Variants in BCAS3 observed in about 807,000 individuals in gnomAD.
The protein encoded by BCAS3 is BCAS3 microtubule associated cell migration factor.
In BCAS3, 53 loss-of-function variants were observed where a neutral mutation model predicts 116.1. That is an observed-to-expected ratio of 0.46 (90% confidence interval 0.37 to 0.57). The LOEUF (loss-of-function observed/expected upper bound fraction) is 0.57. BCAS3 is among the 20% of genes least tolerant of loss of function. BCAS3 has a pLI of 0.00. For synonymous variants in BCAS3, 391 were observed against 408.2 expected, an observed-to-expected ratio of 0.96 and a Z score of 0.51; for missense variants, 917 against 1,165.4, an observed-to-expected ratio of 0.79 and a Z score of 3.10.
rs2072933533 is a variant in BCAS3 at position 61,084,679 on chromosome 17, T to C, written c.2425+115T>C. ...CTTTCCTCTCTGTTTTTTTGTTTTGTGGTGTGTGTGCATTTTAATACAGTA... is the reference window on the plus strand; with the variant it reads ...CTTTCCTCTCTGTTTTTTTGTTTTGCGGTGTGTGTGCATTTTAATACAGTA... On this transcript the variant is annotated intron_variant, in intron 22 of 23. Coordinates refer to ENST00000407086, the MANE Select transcript of BCAS3 (RefSeq NM_017679.5). This position sits in a 1 kb window ranked among gnomAD's most constrained non-coding sequence, Gnocchi z 5.5. 1 of 862,772 alleles carries C rather than the reference T, an allele frequency of 1.2e-6. No homozygotes were observed. The highest frequency in any genetic ancestry group is 1.7e-5 in the African/African-American group (1 of 59,880). The allele number at this position is 862,772 out of a possible 1,614,324, so 53.4% of individuals were successfully genotyped here. A position where few individuals can be genotyped will look rare whatever the true frequency, so the allele number is the denominator to read the frequency against.
chr17:61,216,802 A>T (rs1370825520), intron 22 of BCAS3, among the ~76,000 whole-genome samples: 1 of 151,438 alleles, frequency 6.6e-6, no homozygotes, highest in African/African-American at 2.4e-5. Flanking sequence ...TCAGCCTCCC[A>T]AAGTGCTGGG....
At chr17:60,703,171 A>T (rs1011469406) in intron 4 of BCAS3, among the ~76,000 whole-genome samples, 1 of 152,108 alleles carries the variant, frequency 6.6e-6, no homozygotes, top group East Asian at 1.9e-4. Flanking sequence ...GCTACTTGGG[A>T]GGCTGAGGCA....
rs1362251270 is a variant in BCAS3, at chr17:61,037,261, AT to A, written c.1763-627del. 6.6e-6 allele frequency among the ~76,000 whole-genome samples: 1 copy of A among 152,204 alleles called. No individual in the cohort carries two copies. Among genetic ancestry groups the A allele is most frequent in the Non-Finnish European group, 1.5e-5 (1 of 68,028 alleles). On this transcript the variant is annotated intron_variant, in intron 17 of 23. Transcript: ENST00000407086. This position sits in a 1 kb window ranked among gnomAD's most constrained non-coding sequence, Gnocchi z 4.7. ...TCCTTTTCAGTTAGTCCATTTCCTG[AT>A]ATCATTCATTTTTCATAATGTGGGA...
chr17:60,897,754 C>T (rs1219400469), intron 10 of BCAS3, among the ~76,000 whole-genome samples: 1 of 152,090 alleles, frequency 6.6e-6, no homozygotes, highest in Non-Finnish European at 1.5e-5. Flanking sequence ...CTTACTCTGT[C>T]ATCCAGGCTG....
intron 7 of BCAS3, among the ~76,000 whole-genome samples, chr17:60,828,978 A>T (rs1427250935): frequency 6.6e-6 from 1 of 152,118 alleles, no homozygotes; most frequent in Non-Finnish European, 1.5e-5. Flanking sequence ...AACCTGCTAT[A>T]CTGTGCATCC....
chr17:60,680,590 T>A (rs1005940396), intron 2 of BCAS3, among the ~76,000 whole-genome samples: 1 of 152,188 alleles, frequency 6.6e-6, no homozygotes, highest in African/African-American at 2.4e-5. Flanking sequence ...AGAATGTCTA[T>A]ACTTACTAGA....
At chr17:60,898,779 C>T (rs889789816) in intron 10 of BCAS3, among the ~76,000 whole-genome samples, 58 of 152,024 alleles carry the variant, frequency 3.8e-4, no homozygotes, top group African/African-American at 1.2e-3. Flanking sequence ...TGGGTGATAA[C>T]GGTAGCAGTG....
chr17:60,922,395 G>A (rs1379466720), intron 12 of BCAS3, among the ~76,000 whole-genome samples: 3 of 152,134 alleles, frequency 2.0e-5, no homozygotes, highest in Non-Finnish European at 4.4e-5. Flanking sequence ...AAAGTGCTGG[G>A]ATTACAGGCA....
intron 14 of BCAS3, among the ~76,000 whole-genome samples, chr17:60,975,472 A>G (rs983071619): frequency 1.3e-5 from 2 of 152,350 alleles, no homozygotes; most frequent in African/African-American, 2.4e-5. Context: ...CTATAAAAAG[A>G]GGCTATAGAA....
At chr17:60,722,560 A>G (rs535560517) in intron 5 of BCAS3, among the ~76,000 whole-genome samples, 1 of 151,746 alleles carries the variant, frequency 6.6e-6, no homozygotes, top group East Asian at 1.9e-4. Context: ...CAAGAGATCA[A>G]GACCATCCTG....
chr17:60,830,191 A>C (rs1236582018), intron 7 of BCAS3, among the ~76,000 whole-genome samples: 1 of 152,164 alleles, frequency 6.6e-6, no homozygotes, highest in Non-Finnish European at 1.5e-5. Flanking sequence ...GGGTTTCACC[A>C]TGTTAGCCAG....
At chr17:61,245,819 A>G (rs912902434) in intron 22 of BCAS3, among the ~76,000 whole-genome samples, 2 of 151,792 alleles carry the variant, frequency 1.3e-5, no homozygotes, top group Non-Finnish European at 2.9e-5. Flanking sequence ...AGAAAAAAAA[A>G]GAGATTGTTG....
intron 7 of BCAS3, among the ~76,000 whole-genome samples, chr17:60,808,796 A>C (rs2048517219): frequency 6.6e-6 from 1 of 152,198 alleles, no homozygotes; most frequent in South Asian, 2.1e-4. Flanking sequence ...ATTATGAAAT[A>C]ATGATGTATG....
chr17:60,680,635 T>C (rs1339643287), intron 2 of BCAS3, among the ~76,000 whole-genome samples: 1 of 151,980 alleles, frequency 6.6e-6, no homozygotes, highest in Middle Eastern at 3.2e-3. Flanking sequence ...TGAAGATATG[T>C]ATACTTTTTT....
intron 5 of BCAS3, among the ~76,000 whole-genome samples, chr17:60,729,291 A>G (rs1024143753): frequency 3.4e-5 from 5 of 148,350 alleles, no homozygotes; most frequent in African/African-American, 1.2e-4. Context: ...AGTGTCTGTG[A>G]ACATTCTTGT....
chr17:61,276,815 T>G lies in BCAS3; in HGVS notation c.2426-91512T>G, dbSNP rs1048376087. On this transcript the variant is annotated intron_variant, in intron 22 of 23. Transcript: ENST00000407086. The surrounding 1 kb of genome is among the most constrained non-coding windows in gnomAD (Gnocchi z 4.2). Reference sequence around the variant, plus strand: ...TCAATTTCAAAATATACTTCTAAGCTACAGTAATCAAGACAGTGTGGTACT... The same window carrying G: ...TCAATTTCAAAATATACTTCTAAGCGACAGTAATCAAGACAGTGTGGTACT... Among the ~76,000 whole-genome samples the G allele has an allele frequency of 2.0e-5, 3 of 152,282 alleles. No homozygotes were observed. The highest frequency in any genetic ancestry group is 7.2e-5 in the African/African-American group (3 of 41,568).
intron 19 of BCAS3, among the ~76,000 whole-genome samples, chr17:61,049,881 C>A (rs940382728): frequency 1.3e-5 from 2 of 151,638 alleles, no homozygotes; most frequent in Non-Finnish European, 2.9e-5. Context: ...CACAGGCATG[C>A]GCCACCACGC....
At chr17:60,712,926 T>C (rs2038108028) in intron 5 of BCAS3, among the ~76,000 whole-genome samples, 1 of 152,182 alleles carries the variant, frequency 6.6e-6, no homozygotes, top group Non-Finnish European at 1.5e-5. Flanking sequence ...AGTGATTCAC[T>C]TGGGAAGTGG....
chr17:61,054,479 G>A (rs755761434), intron 19 of BCAS3, among the ~76,000 whole-genome samples: 19 of 152,252 alleles, frequency 1.2e-4, no homozygotes, highest in Admixed American at 7.2e-4. Flanking sequence ...TGATTCTCGT[G>A]CCTCAGCCTC....
Sources: allele counts gnomAD v4.1 joint callset (sites outside exome capture counted in the v4.1 genomes callset), GRCh38; gene constraint gnomAD v4.1.1; non-coding constraint Gnocchi (gnomAD v3.1); transcripts MANE v1.5; gene names NCBI Gene and HGNC (gene_info 2026-07-23, HGNC 2026-07-21).